The following NKAIN2 variants were observed in gnomAD, a reference collection of about 807,000 sequenced individuals.
The protein encoded by NKAIN2 is sodium/potassium transporting ATPase interacting 2.
A neutral mutation model predicts 32.6 loss-of-function variants in NKAIN2; 14 were observed. That is an observed-to-expected ratio of 0.43 (90% CI 0.28 to 0.67). NKAIN2 has a LOEUF of 0.67. NKAIN2 is among the 30% of genes least tolerant of loss of function. The pLI is 0.17. For synonymous variants in NKAIN2, 80 were observed against 87.2 expected (o/e 0.92, Z 0.46); for missense variants, 198 against 258.3 (o/e 0.77, Z 1.60).
intron 4 of NKAIN2, among the ~76,000 whole-genome samples, chr6:124,694,867 A>T (rs1384408877): frequency 6.6e-6 from 1 of 152,248 alleles, no homozygotes; most frequent in East Asian, 1.9e-4. Context: ...TAAGAGTGCC[A>T]GTAAATTTAA....
At position 124,808,174 on chromosome 6, in the gene NKAIN2, A is replaced by C. The variant is rs537536393; in HGVS notation, c.536-10213A>C. ...CCTGATACCAAAGCCAGGCAGAGAC[A>C]CAACCAAAAAAGAGAATTTTAGACC... is the stretch of plus-strand genomic sequence containing the variant. On this transcript the variant is annotated intron_variant, in intron 5 of 6. Transcript: ENST00000368417. 9.0e-3 allele frequency among the ~76,000 whole-genome samples: 1,374 copies of C among 152,100 alleles called. 16 individuals carry two copies. Among genetic ancestry groups the C allele is most frequent in the Non-Finnish European group, 0.013 (853 of 67,986 alleles).
At chr6:124,476,020 G>A (rs1257237497) in intron 3 of NKAIN2, among the ~76,000 whole-genome samples, 4 of 150,204 alleles carry the variant, frequency 2.7e-5, no homozygotes, top group East Asian at 2.0e-4. Flanking sequence ...GTGTGTGAGC[G>A]TGTGTGTGTG....
chr6:124,257,966 A>C (rs2114831868), intron 1 of NKAIN2, among the ~76,000 whole-genome samples: 1 of 151,682 alleles, frequency 6.6e-6, no homozygotes, highest in Non-Finnish European at 1.5e-5. Flanking sequence ...TTTTTAGTAG[A>C]GACGGGGTTT....
chr6:124,482,910 G>A (rs761765711), intron 3 of NKAIN2, among the ~76,000 whole-genome samples: 6 of 152,154 alleles, frequency 3.9e-5, no homozygotes, highest in Non-Finnish European at 5.9e-5. Context: ...CGAGGCGGGC[G>A]GATCACGAGG....
At chr6:124,660,845 C>T (rs1367341739) in intron 4 of NKAIN2, among the ~76,000 whole-genome samples, 1 of 152,154 alleles carries the variant, frequency 6.6e-6, no homozygotes, top group East Asian at 1.9e-4. Context: ...AATTTGAACT[C>T]GAGTTTTATA....
At chr6:124,194,996 C>CT (rs11312469) in intron 1 of NKAIN2, among the ~76,000 whole-genome samples, 89 of 143,764 alleles carry the variant, frequency 6.2e-4, no homozygotes, top group Middle Eastern at 3.7e-3. Flanking sequence ...ATATTATTGG[C>CT]TTTTTTTTTT....
At chr6:124,566,834 G>A (rs750434128) in intron 3 of NKAIN2, among the ~76,000 whole-genome samples, 2 of 152,062 alleles carry the variant, frequency 1.3e-5, no homozygotes, top group East Asian at 1.9e-4. Context: ...TCCAAGAAAT[G>A]TGTATACTGT....
chr6:123,828,260 C>T (rs1774234114), intron 1 of NKAIN2, among the ~76,000 whole-genome samples: 1 of 152,166 alleles, frequency 6.6e-6, no homozygotes, highest in East Asian at 1.9e-4. Flanking sequence ...ATTACCTGGT[C>T]CAGTCAACAT....
At chr6:124,323,775 T>C (rs1012618746) in intron 2 of NKAIN2, among the ~76,000 whole-genome samples, 4 of 148,802 alleles carry the variant, frequency 2.7e-5, no homozygotes, top group Non-Finnish European at 5.9e-5. Flanking sequence ...TCAATTCTTT[T>C]AATTTTTTCT....
intron 1 of NKAIN2, among the ~76,000 whole-genome samples, chr6:124,258,681 C>A (rs1794071134): frequency 6.6e-6 from 1 of 152,160 alleles, no homozygotes; most frequent in Non-Finnish European, 1.5e-5. Flanking sequence ...CAGTTTTCAC[C>A]ACATAAAATT....
chr6:124,535,895 A>G (rs1779693413), intron 3 of NKAIN2, among the ~76,000 whole-genome samples: 1 of 152,210 alleles, frequency 6.6e-6, no homozygotes, highest in Non-Finnish European at 1.5e-5. Flanking sequence ...TGCTTCCCTC[A>G]GGCGTGAAGC....
At chr6:124,474,710 T>C (rs1391635968) in intron 3 of NKAIN2, among the ~76,000 whole-genome samples, 1 of 151,390 alleles carries the variant, frequency 6.6e-6, no homozygotes, top group Non-Finnish European at 1.5e-5. Context: ...CCTAAGCTAG[T>C]ATTAGAAGCA....
At chr6:124,488,568 A>T (rs1777742805) in intron 3 of NKAIN2, among the ~76,000 whole-genome samples, 1 of 151,986 alleles carries the variant, frequency 6.6e-6, no homozygotes, top group Non-Finnish European at 1.5e-5. Flanking sequence ...CACATCTTTA[A>T]CTGGTTCTTA....
intron 1 of NKAIN2, among the ~76,000 whole-genome samples, chr6:124,270,941 C>T (rs1379575062): frequency 3.3e-5 from 5 of 152,230 alleles, no homozygotes; most frequent in Middle Eastern, 3.4e-3. Context: ...GTGTCCCCAC[C>T]CAAATCTCTT....
intron 2 of NKAIN2, among the ~76,000 whole-genome samples, chr6:124,341,980 A>C (rs189452475): frequency 2.0e-4 from 31 of 152,378 alleles, no homozygotes; most frequent in African/African-American, 7.0e-4. Context: ...ATGCCTAAAC[A>C]TTAAATGCTA....
chr6:124,127,560 C>T (rs1303619045), intron 1 of NKAIN2, among the ~76,000 whole-genome samples: 2 of 152,188 alleles, frequency 1.3e-5, no homozygotes, highest in African/African-American at 2.4e-5. Context: ...ACTGAGTTCA[C>T]ATGCCATATT....
At chr6:124,285,169 T>C (rs1325574163) in intron 2 of NKAIN2, among the ~76,000 whole-genome samples, 1 of 152,184 alleles carries the variant, frequency 6.6e-6, no homozygotes, top group Non-Finnish European at 1.5e-5. Flanking sequence ...TGCATTTGGA[T>C]TTTTCCCTGA....
intron 3 of NKAIN2, among the ~76,000 whole-genome samples, chr6:124,542,650 C>T (rs558487508): frequency 6.6e-6 from 1 of 152,234 alleles, no homozygotes; most frequent in African/African-American, 2.4e-5. Flanking sequence ...AAAGCCATAA[C>T]AACACTGATG....
intron 3 of NKAIN2, among the ~76,000 whole-genome samples, chr6:124,591,090 A>G (rs568160001): frequency 3.9e-5 from 6 of 152,356 alleles, no homozygotes; most frequent in Admixed American, 3.9e-4. Flanking sequence ...AAGATCATGA[A>G]CACATATGCC....
Sources: gnomAD v4.1 joint callset for allele counts (sites outside exome capture counted in the v4.1 genomes callset) on GRCh38, gnomAD v4.1.1 for gene constraint, MANE v1.5 for transcripts, NCBI Gene and HGNC (gene_info 2026-07-23, HGNC 2026-07-21) for gene names.